The following APLF variants were observed in gnomAD, a reference collection of about 807,000 sequenced individuals.
APLF encodes aprataxin and PNKP like factor.
Under a neutral mutation model 55.6 loss-of-function variants are expected in APLF, and 61 were observed. The observed-to-expected ratio is 1.10, with a 90% CI of 0.89 to 1.36. The LOEUF is 1.36. APLF is among the 40% of genes most tolerant of loss of function. The pLI, the probability that APLF is intolerant of heterozygous loss-of-function variation, is 0.00. For missense variants in APLF, 611 were observed against 602.5 expected (o/e 1.01, Z -0.15); for synonymous variants, 207 against 214.8 (o/e 0.96, Z 0.32).
chr2:68,483,939 G>A (rs1217392711), intron 1 of APLF, among the ~76,000 whole-genome samples: 2 of 152,202 alleles, frequency 1.3e-5, no homozygotes, highest in East Asian at 1.9e-4. Context: ...TATATTATAT[G>A]TAGACAAAAA....
At chr2:68,519,290 T>C (rs1387742596) in intron 5 of APLF, among the ~76,000 whole-genome samples, 1 of 143,682 alleles carries the variant, frequency 7.0e-6, no homozygotes, top group Non-Finnish European at 1.5e-5. Context: ...ATATTGTATA[T>C]ATAAAATGTC....
At chr2:68,475,156 A>G (rs1470324323) in intron 1 of APLF, among the ~76,000 whole-genome samples, 1 of 152,230 alleles carries the variant, frequency 6.6e-6, no homozygotes, top group Non-Finnish European at 1.5e-5. Flanking sequence ...GTGGTGCTTT[A>G]AACCCACTTT....
chr2:68,558,623 G>T (rs1209235962), intron 8 of APLF, among the ~76,000 whole-genome samples: 1 of 151,854 alleles, frequency 6.6e-6, no homozygotes, highest in Non-Finnish European at 1.5e-5. Flanking sequence ...AAACAGTTCT[G>T]TTTTTTTTCT....
At chr2:68,574,807 T>G (rs182033103) in intron 9 of APLF, among the ~76,000 whole-genome samples, 11 of 152,336 alleles carry the variant, frequency 7.2e-5, no homozygotes, top group African/African-American at 2.6e-4. Context: ...TTAAAGTCTT[T>G]TATGTAATTC....
intron 4 of APLF, 48 bp from the exon 5 acceptor site, chr2:68,513,500 C>T (rs1669471803): frequency 6.3e-7 from 1 of 1,594,140 alleles, no homozygotes; most frequent in African/African-American, 1.4e-5. Context: ...TTTGCAAATT[C>T]ATTCAAGATG....
At chr2:68,487,743 T>C (rs1292438579) in intron 1 of APLF, among the ~76,000 whole-genome samples, 1 of 152,186 alleles carries the variant, frequency 6.6e-6, no homozygotes, top group Admixed American at 6.5e-5. Flanking sequence ...TAAAATGTTT[T>C]AATGATAATT....
intron 1 of APLF, among the ~76,000 whole-genome samples, chr2:68,475,601 GC>G (rs1675745980): frequency 6.6e-6 from 1 of 152,132 alleles, no homozygotes; most frequent in Non-Finnish European, 1.5e-5. Flanking sequence ...GAGTCTCTGG[GC>G]AAAATCAAGT....
chr2:68,517,436 T>C (rs1371219359), intron 5 of APLF, among the ~76,000 whole-genome samples: 1 of 118,506 alleles, frequency 8.4e-6, no homozygotes, highest in African/African-American at 4.6e-5. Context: ...TTAATATATC[T>C]ATATATGTTA....
Position 68,489,238 on chromosome 2 carries a change from A to G in APLF, c.97-952A>G, listed in dbSNP as rs113445993. Among the ~76,000 whole-genome samples, 6 of 152,332 alleles carry G rather than the reference A, an allele frequency of 3.9e-5. 1 individual carries two copies. The highest frequency in any genetic ancestry group is 1.2e-4 in the African/African-American group (5 of 41,588). On this transcript the variant is annotated intron_variant, in intron 1 of 9. Transcript: ENST00000303795. ...GCAGTTTCACATTTTTTGTGGAACT[A>G]ATAGGTTTAATTGAGTTTATGTGTT...
rs1443381716 is a variant in APLF, at chr2:68,545,067, A to G, written c.1161-120A>G. The G allele has an allele frequency of 2.5e-5, 29 of 1,161,630 alleles. No individual in the cohort carries two copies. The East Asian group carries it at 6.8e-4, about 27-fold the overall frequency. The allele number at this position is 1,161,630 out of a possible 1,614,324, so 72.0% of individuals were successfully genotyped here. A position where few individuals can be genotyped will look rare whatever the true frequency, so the allele number is the denominator to read the frequency against. On this transcript the variant is annotated intron_variant, in intron 7 of 9. Transcript: ENST00000303795. ...TAATCTGCGCTTATGTCATCAATGT[A>G]GCATGTTGGTTTATGTTCAAGGATA... is the stretch of plus-strand genomic sequence containing the variant.
intron 8 of APLF, among the ~76,000 whole-genome samples, chr2:68,546,797 A>G (rs1393978120): frequency 1.3e-5 from 2 of 151,864 alleles, no homozygotes; most frequent in Non-Finnish European, 3.0e-5. Flanking sequence ...TATAGCAAAT[A>G]TTATACTTAA....
intron 5 of APLF, among the ~76,000 whole-genome samples, chr2:68,519,837 G>T (rs1192777643): frequency 6.6e-6 from 1 of 151,628 alleles, no homozygotes; most frequent in African/African-American, 2.4e-5. Flanking sequence ...TCAGCCAGTA[G>T]TGGGTTGCTA....
At chr2:68,571,462 A>G (rs561887870) in intron 9 of APLF, among the ~76,000 whole-genome samples, 2,205 of 152,048 alleles carry the variant, frequency 0.015, 73 homozygotes, top group Non-Finnish European at 0.012. Flanking sequence ...ATCTTGAATT[A>G]ATTTTTGTAT....
At chr2:68,509,989 G>T (rs1410625681) in intron 3 of APLF, among the ~76,000 whole-genome samples, 2 of 147,468 alleles carry the variant, frequency 1.4e-5, no homozygotes, top group African/African-American at 2.5e-5. Flanking sequence ...AACACTGCAT[G>T]TTCTCACTCA....
At chr2:68,536,138 C>G (rs1472111204) in intron 6 of APLF, among the ~76,000 whole-genome samples, 2 of 152,032 alleles carry the variant, frequency 1.3e-5, no homozygotes, top group Non-Finnish European at 2.9e-5. Context: ...ACCAGTTGGT[C>G]CTGGAGTTGG....
At chr2:68,482,735 G>A (rs535480449) in intron 1 of APLF, among the ~76,000 whole-genome samples, 8 of 152,244 alleles carry the variant, frequency 5.3e-5, no homozygotes, top group African/African-American at 9.6e-5. Flanking sequence ...GAGTATGTCC[G>A]CCTAGGGTGG....
intron 8 of APLF, among the ~76,000 whole-genome samples, chr2:68,549,004 C>T (rs887355405): frequency 1.3e-5 from 2 of 151,914 alleles, no homozygotes; most frequent in Admixed American, 6.6e-5. Flanking sequence ...AAAAACCTAC[C>T]ACAACACTGT....
Position 68,580,045 on chromosome 2 carries a change from T to C in APLF, c.*2023T>C. On this transcript the variant is annotated 3_prime_UTR_variant, in exon 10 of 10. Transcript: ENST00000303795. Reference sequence around the variant, plus strand: ...TAATATCAAAGGATATTCTTCGTAGTAATGTAATAGTTCATGGTAGCTGCT... The same window carrying C: ...TAATATCAAAGGATATTCTTCGTAGCAATGTAATAGTTCATGGTAGCTGCT... 3.3e-6 allele frequency: 3 copies of C among 912,156 alleles called. No homozygotes were observed. Among genetic ancestry groups the C allele is most frequent in the Non-Finnish European group, 3.9e-6 (3 of 763,158 alleles). 56.5% of individuals were successfully genotyped at this position (912,156 alleles called of 1,614,324 possible).
intron 6 of APLF, among the ~76,000 whole-genome samples, chr2:68,530,887 T>A (rs923200839): frequency 5.3e-5 from 8 of 151,554 alleles, no homozygotes; most frequent in East Asian, 1.9e-4. Context: ...TAAAAAAAAA[T>A]TTTCAGACTG....
Sources: gnomAD v4.1 joint callset for allele counts (sites outside exome capture counted in the v4.1 genomes callset) on GRCh38, gnomAD v4.1.1 for gene constraint, MANE v1.5 for transcripts, NCBI Gene and HGNC (gene_info 2026-07-23, HGNC 2026-07-21) for gene names.